CFAP46: variants seen among roughly 807,000 people sequenced by gnomAD.
CFAP46 encodes the protein cilia- and flagella-associated protein 46.
In CFAP46, 245 loss-of-function variants were observed where a neutral mutation model predicts 325.7. The observed-to-expected ratio is 0.75, with a 90% CI of 0.68 to 0.84. The LOEUF (loss-of-function observed/expected upper bound fraction) is 0.84. Among genes scored for constraint, CFAP46 ranks in the 40% least tolerant of loss-of-function variants. The pLI is 0.00. For missense variants in CFAP46, 3,346 were observed against 3,543.0 expected (o/e 0.94, Z 1.41); for synonymous variants, 1,523 against 1,495.9 (o/e 1.02, Z -0.42).
chr10:132,854,645 G>A (rs945759399), intron 39 of CFAP46, among the ~76,000 whole-genome samples: 2 of 151,474 alleles, frequency 1.3e-5, no homozygotes, highest in African/African-American at 4.9e-5. Context: ...CCAGCTTTCT[G>A]GTTTTTTTTA....
At chr10:132,837,431 A>G (rs1273525703) in intron 44 of CFAP46, among the ~76,000 whole-genome samples, 1 of 151,256 alleles carries the variant, frequency 6.6e-6, no homozygotes, top group Non-Finnish European at 1.5e-5. Context: ...GGACACAGAC[A>G]CCCACCCGTG....
intron 17 of CFAP46, among the ~76,000 whole-genome samples, chr10:132,915,509 G>A (rs1849623047): frequency 6.6e-6 from 1 of 152,260 alleles, no homozygotes. Flanking sequence ...TGGCAAGCAG[G>A]GACAGCTGGC....
intron 13 of CFAP46, 133 bp downstream of exon 13, chr10:132,921,971 C>T: frequency 1.7e-6 from 2 of 1,167,936 alleles, no homozygotes; most frequent in Non-Finnish European, 1.2e-6. Context: ...TCGAAGGACA[C>T]TGCCGGTGCA....
chr10:132,827,434 G>A lies in CFAP46; in HGVS notation c.7117+5924C>T, dbSNP rs536975461. Among the ~76,000 whole-genome samples, 3 of 152,128 alleles carry A rather than the reference G, an allele frequency of 2.0e-5. No homozygotes were observed. The highest frequency in any genetic ancestry group is 6.5e-5 in the Admixed American group (1 of 15,282). On this transcript the variant is annotated intron_variant, in intron 50 of 57. Transcript: ENST00000368586. The surrounding 1 kb of genome is among the most constrained non-coding windows in gnomAD (Gnocchi z 5.7). The stretch of plus-strand genomic sequence containing the variant: ...ACCTCCTCCTTCAAGGATCCACTTC[G>A]CACATGTGCCCTTCTGCAAACTTCC...
chr10:132,824,006 GTGTGTGC>G (rs1388940285), intron 50 of CFAP46, among the ~76,000 whole-genome samples: 2 of 62,702 alleles, frequency 3.2e-5, no homozygotes, highest in Non-Finnish European at 5.5e-5. Context: ...TTTGTGCTGT[GTGTGTGC>G]TGTGTGCTGT....
chr10:132,934,649 T>G (rs1591100507), intron 8 of CFAP46, 103 bp downstream of exon 8: 1 of 757,446 alleles, frequency 1.3e-6, no homozygotes, highest in South Asian at 1.7e-5. Context: ...TTTGCAAAGG[T>G]GGTTCTAGTT....
At chr10:132,862,162 A>T (rs1848730148) in intron 35 of CFAP46, among the ~76,000 whole-genome samples, 1 of 152,182 alleles carries the variant, frequency 6.6e-6, no homozygotes, top group Admixed American at 6.5e-5. Context: ...GCTCTGTGGA[A>T]GGGCATTCCT....
At chr10:132,909,866 C>A in intron 20 of CFAP46, 53 bp downstream of exon 20, 2 of 1,360,530 alleles carry the variant, frequency 1.5e-6, no homozygotes, top group Non-Finnish European at 1.9e-6. Context: ...TGTCTCAGAT[C>A]TCTATGTCCA....
intron 39 of CFAP46, among the ~76,000 whole-genome samples, chr10:132,853,058 G>A (rs73391278): frequency 0.017 from 2,481 of 149,294 alleles, 64 homozygotes; most frequent in African/African-American, 0.057. Context: ...TTTTCCTGCC[G>A]GATTCCATAG....
At chr10:132,821,212 CTGTGTGCTGTGTGTGTGCTGA>C (rs1465596908) in intron 50 of CFAP46, among the ~76,000 whole-genome samples, 13 of 86,390 alleles carry the variant, frequency 1.5e-4, no homozygotes, top group Non-Finnish European at 2.5e-4. Context: ...CTGATGTGTG[CTGTGTGCTGTGTGTGTGCTGA>C]TGTGTGCTGT....
chr10:132,941,115 C>T (rs1270842657), intron 3 of CFAP46, 55 bp from the exon 4 acceptor site: 29 of 1,581,164 alleles, frequency 1.8e-5, no homozygotes, highest in Non-Finnish European at 2.3e-5. Flanking sequence ...CTGCTCACTG[C>T]CCCATCTGCG....
chr10:132,904,777 T>C (rs1202398194), intron 22 of CFAP46, among the ~76,000 whole-genome samples: 2 of 152,172 alleles, frequency 1.3e-5, no homozygotes, highest in East Asian at 1.9e-4. Context: ...TCTGTTTTGT[T>C]TGGAGACAGA....
intron 32 of CFAP46, among the ~76,000 whole-genome samples, chr10:132,871,826 G>A (rs957140360): frequency 1.3e-5 from 2 of 152,232 alleles, no homozygotes; most frequent in African/African-American, 4.8e-5. Context: ...TGATAAAGTG[G>A]CAGCAGCATT....
At position 132,941,672 on chromosome 10, in the gene CFAP46, C is replaced by T. The variant is rs1435227667; in HGVS notation, c.225G>A (p.Val75=). Residue 75 remains valine (V), a synonymous_variant, in exon 3 of 58, where the codon GTG becomes GTA. Transcript: ENST00000368586. ...CCAGAAACTGGGTGATGGGCGCCTT[C>T]ACCTTGAAGTACATTTGGATGCAGT... ...SEDCIQMYFK[V]KAPITQFLGR... 1 of 1,614,052 alleles carries T rather than the reference C, an allele frequency of 6.2e-7. No homozygotes were observed. Among genetic ancestry groups the T allele is most frequent in the African/African-American group, 1.3e-5 (1 of 75,058 alleles).
At position 132,899,424 on chromosome 10, in the gene CFAP46, G is replaced by T. The variant is rs372576823; in HGVS notation, c.3056+111C>A. ...GCCGCACCGGCCACCTCCCCTCGCCGGCAGGAGCCCTCCCTTGGGCCCACA... is the reference window on the plus strand; with the variant it reads ...GCCGCACCGGCCACCTCCCCTCGCCTGCAGGAGCCCTCCCTTGGGCCCACA... On this transcript the variant is annotated intron_variant, in intron 23 of 57. Transcript: ENST00000368586. 5 of 1,403,680 alleles carry T rather than the reference G, an allele frequency of 3.6e-6. No individual in the cohort carries two copies. The African/African-American group carries it at 5.8e-5, about 16-fold the overall frequency. The allele number at this position is 1,403,680 out of a possible 1,614,324, so 87.0% of individuals were successfully genotyped here.
chr10:132,849,652 G>A (rs1007497593), intron 41 of CFAP46, among the ~76,000 whole-genome samples: 2 of 152,168 alleles, frequency 1.3e-5, no homozygotes, highest in Admixed American at 1.3e-4. Context: ...GCCTTCTGGA[G>A]AAGGGTGGGC....
At chr10:132,940,151 C>T (rs1348540385) in intron 4 of CFAP46, among the ~76,000 whole-genome samples, 1 of 152,128 alleles carries the variant, frequency 6.6e-6, no homozygotes, top group Non-Finnish European at 1.5e-5. Context: ...GGGGCTGGGC[C>T]CTACATCCCC....
intron 35 of CFAP46, among the ~76,000 whole-genome samples, chr10:132,863,881 CCTGAG>C (rs1564783302): frequency 9.3e-5 from 13 of 139,744 alleles, no homozygotes; most frequent in South Asian, 5.0e-4. Context: ...CACCTGTCCC[CCTGAG>C]ACCTGCACAC....
At chr10:132,814,659 G>A in intron 52 of CFAP46, 27 bp downstream of exon 52, 1 of 1,583,178 alleles carries the variant, frequency 6.3e-7, no homozygotes. Flanking sequence ...GGGGTCTGGG[G>A]CCCCCCCGGG....
Sources: gnomAD v4.1 joint callset for allele counts (sites outside exome capture counted in the v4.1 genomes callset) on GRCh38, gnomAD v4.1.1 for gene constraint, Gnocchi (gnomAD v3.1) non-coding constraint, MANE v1.5 for transcripts, NCBI Gene and HGNC (gene_info 2026-07-23, HGNC 2026-07-21) for gene names.